The following EPHA3 variants were observed in gnomAD, a reference collection of about 807,000 sequenced individuals.
EPHA3 encodes EPH receptor A3.
Under a neutral mutation model 107.1 loss-of-function variants are expected in EPHA3, and 42 were observed. The ratio of observed to expected loss-of-function variants is 0.39; its 90% confidence interval spans 0.31 to 0.51. The LOEUF is 0.51. EPHA3 is among the 20% of genes least tolerant of loss of function. EPHA3 has a pLI of 0.78. For missense variants in EPHA3, 1,183 were observed against 1,211.2 expected (o/e 0.98, Z 0.35); for synonymous variants, 461 against 424.8 (o/e 1.09, Z -1.05).
chr3:89,158,441 A>G (rs1362471453), intron 2 of EPHA3, among the ~76,000 whole-genome samples: 3 of 152,112 alleles, frequency 2.0e-5, no homozygotes, highest in Admixed American at 1.3e-4. Flanking sequence ...AAGGAATGAA[A>G]GAATATGCAA....
intron 15 of EPHA3, among the ~76,000 whole-genome samples, chr3:89,459,378 C>T (rs1710167488): frequency 6.6e-6 from 1 of 151,932 alleles, no homozygotes; most frequent in Non-Finnish European, 1.5e-5. Flanking sequence ...TTATAAGAAT[C>T]AAAGAAATGT....
At chr3:89,326,884 A>T (rs1369470334) in intron 3 of EPHA3, among the ~76,000 whole-genome samples, 2 of 151,922 alleles carry the variant, frequency 1.3e-5, no homozygotes, top group Admixed American at 1.3e-4. Flanking sequence ...ATAGCATGAG[A>T]CTGATTATTT....
At chr3:89,342,388 A>G (rs910693975) in intron 5 of EPHA3, among the ~76,000 whole-genome samples, 6 of 152,102 alleles carry the variant, frequency 3.9e-5, no homozygotes, top group African/African-American at 1.4e-4. Context: ...AAACATTTTT[A>G]TATTTCAGAG....
intron 11 of EPHA3, among the ~76,000 whole-genome samples, chr3:89,421,998 T>C (rs1354728125): frequency 2.0e-5 from 3 of 151,262 alleles, no homozygotes; most frequent in Non-Finnish European, 4.4e-5. Context: ...CCTGGTCAAA[T>C]AAGCATGTAA....
intron 11 of EPHA3, among the ~76,000 whole-genome samples, chr3:89,424,599 T>C (rs1709420999): frequency 6.6e-6 from 1 of 151,438 alleles, no homozygotes; most frequent in Non-Finnish European, 1.5e-5. Flanking sequence ...AATGACAGTC[T>C]TCACTGATAT....
chr3:89,388,570 C>T (rs1366171190), intron 5 of EPHA3, among the ~76,000 whole-genome samples: 4 of 151,968 alleles, frequency 2.6e-5, no homozygotes, highest in Non-Finnish European at 5.9e-5. Context: ...ACAGGGAGTA[C>T]AGCATACACA....
intron 12 of EPHA3, 118 bp downstream of exon 12, chr3:89,429,285 T>C (rs998563220): frequency 4.2e-5 from 30 of 707,780 alleles, no homozygotes; most frequent in Non-Finnish European, 5.9e-5. Context: ...ACTGAAATCT[T>C]CTGAGGCTAA....
At chr3:89,274,715 T>A (rs1705763284) in intron 3 of EPHA3, among the ~76,000 whole-genome samples, 2 of 152,002 alleles carry the variant, frequency 1.3e-5, no homozygotes, top group Admixed American at 1.3e-4. Context: ...CCTTGGGCTG[T>A]CAAAGTTTTC....
chr3:89,359,588 A>G (rs1708042478), intron 5 of EPHA3, among the ~76,000 whole-genome samples: 1 of 150,016 alleles, frequency 6.7e-6, no homozygotes, highest in African/African-American at 2.4e-5. Context: ...GATGTTTTTT[A>G]AATTGTGATA....
At chr3:89,435,756 C>T (rs546174497) in intron 13 of EPHA3, among the ~76,000 whole-genome samples, 8 of 150,084 alleles carry the variant, frequency 5.3e-5, no homozygotes, top group African/African-American at 1.9e-4. Flanking sequence ...AGCTCAAGAC[C>T]AGCCTGGCCA....
chr3:89,153,251 A>G (rs1257476182), intron 2 of EPHA3, among the ~76,000 whole-genome samples: 3 of 152,026 alleles, frequency 2.0e-5, no homozygotes, highest in African/African-American at 7.2e-5. Flanking sequence ...AATGTTTCAT[A>G]TATTTACTTC....
At chr3:89,380,983 C>CT (rs1012101445) in intron 5 of EPHA3, among the ~76,000 whole-genome samples, 3 of 150,982 alleles carry the variant, frequency 2.0e-5, no homozygotes, top group African/African-American at 4.9e-5. Context: ...TTGTTTGTTT[C>CT]TTTTTTTGAG....
intron 2 of EPHA3, among the ~76,000 whole-genome samples, chr3:89,167,701 A>G (rs1479023858): frequency 1.3e-5 from 2 of 152,148 alleles, no homozygotes; most frequent in African/African-American, 4.8e-5. Context: ...TAGAAATTAT[A>G]GGGAGTATCT....
intron 3 of EPHA3, among the ~76,000 whole-genome samples, chr3:89,303,300 A>G (rs1706534250): frequency 6.6e-6 from 1 of 151,852 alleles, no homozygotes; most frequent in African/African-American, 2.4e-5. Context: ...CTATTTCCAT[A>G]ATTATTATTT....
At chr3:89,260,395 T>C (rs1282117097) in intron 3 of EPHA3, among the ~76,000 whole-genome samples, 7 of 152,194 alleles carry the variant, frequency 4.6e-5, no homozygotes, top group Admixed American at 4.6e-4. Flanking sequence ...TGAAGTGATA[T>C]CTCATAGTGG....
intron 7 of EPHA3, among the ~76,000 whole-genome samples, chr3:89,404,821 T>A (rs1219804945): frequency 6.6e-6 from 1 of 152,196 alleles, no homozygotes; most frequent in Non-Finnish European, 1.5e-5. Flanking sequence ...GAGCTTTATT[T>A]TATAAGCTGG....
intron 15 of EPHA3, among the ~76,000 whole-genome samples, chr3:89,458,330 T>C (rs1305995600): frequency 6.6e-6 from 1 of 151,962 alleles, no homozygotes; most frequent in African/African-American, 2.4e-5. Context: ...CACAGAAGAA[T>C]GTGAAATGGT....
At chr3:89,279,899 A>G (rs1448367717) in intron 3 of EPHA3, among the ~76,000 whole-genome samples, 1 of 152,206 alleles carries the variant, frequency 6.6e-6, no homozygotes, top group East Asian at 1.9e-4. Context: ...AATTACTTCA[A>G]TAATAAGAAA....
At chr3:89,156,344 G>T (rs1017182319) in intron 2 of EPHA3, among the ~76,000 whole-genome samples, 1 of 152,078 alleles carries the variant, frequency 6.6e-6, no homozygotes, top group Non-Finnish European at 1.5e-5. Context: ...AACAAGAAGA[G>T]AGCAGATTTA....
Sources: gnomAD v4.1 joint callset for allele counts (sites outside exome capture counted in the v4.1 genomes callset) on GRCh38, gnomAD v4.1.1 for gene constraint, MANE v1.5 for transcripts, NCBI Gene and HGNC (gene_info 2026-07-23, HGNC 2026-07-21) for gene names.